The following ROBO2 variants were observed in gnomAD, a reference collection of about 807,000 sequenced individuals.
ROBO2 encodes the protein roundabout homolog 2.
ROBO2 carries 53 observed loss-of-function variants against 160.8 expected under a neutral mutation model. The ratio of observed to expected loss-of-function variants is 0.33; its 90% CI spans 0.26 to 0.41. ROBO2 has a LOEUF of 0.41. Ranked by LOEUF, ROBO2 falls within the 10% of genes least tolerant of loss-of-function variation. The pLI, the probability that ROBO2 is intolerant of heterozygous loss-of-function variation, is 1.00. For synonymous variants in ROBO2, 664 were observed against 611.7 expected (o/e 1.09, Z -1.26); for missense variants, 1,577 against 1,722.4 (o/e 0.92, Z 1.49).
intron 4 of ROBO2, among the ~76,000 whole-genome samples, chr3:77,483,137 A>G (rs967272714): frequency 6.6e-6 from 1 of 152,172 alleles, no homozygotes; most frequent in African/African-American, 2.4e-5. Flanking sequence ...GATTTAGGAA[A>G]CGGAGAATGT....
intron 2 of ROBO2, among the ~76,000 whole-genome samples, chr3:76,325,053 A>C (rs906590706): frequency 6.6e-6 from 1 of 152,200 alleles, no homozygotes; most frequent in Non-Finnish European, 1.5e-5. Flanking sequence ...TGCAGTGAGC[A>C]GAGATCGCAC....
intron 2 of ROBO2, among the ~76,000 whole-genome samples, chr3:76,703,920 A>G (rs568369481): frequency 6.6e-6 from 1 of 152,200 alleles, no homozygotes. Flanking sequence ...CTGACTAGAA[A>G]TGTTGAGAAT....
chr3:77,550,808 G>C lies in ROBO2; in HGVS notation c.1060-10G>C. The C allele has an allele frequency of 6.2e-7, 1 of 1,612,448 alleles. No homozygotes were observed. Among genetic ancestry groups the C allele is most frequent in the Non-Finnish European group, 8.5e-7 (1 of 1,179,068 alleles). On this transcript the variant is annotated splice_polypyrimidine_tract_variant and intron_variant, in intron 7 of 25. Coordinates refer to ENST00000461745, the Ensembl canonical transcript of ROBO2. Reference sequence around the variant, plus strand: ...AATGAATATTGATGAGATTGTGCTTGCTTCCACAGAACCTACTTTTCCCAA... The same window carrying C: ...AATGAATATTGATGAGATTGTGCTTCCTTCCACAGAACCTACTTTTCCCAA...
In ROBO2 at chr3:76,192,075, A is replaced by G. The variant is rs375633931; in HGVS notation, c.109+254473A>G. Among the ~76,000 whole-genome samples the G allele has an allele frequency of 3.3e-5, 5 of 151,936 alleles. No homozygotes were observed. In the East Asian group the frequency reaches 5.8e-4, roughly 18 times the overall value. ...CTTCGATTGGCTTACAAATCCCGCTATTTCCCTAGTTAGTGCCCTTAGTTA... is the reference window on the plus strand; with the variant it reads ...CTTCGATTGGCTTACAAATCCCGCTGTTTCCCTAGTTAGTGCCCTTAGTTA... On this transcript the variant is annotated intron_variant, in intron 2 of 26. Transcript: ENST00000487694.
Position 76,947,759 on chromosome 3 carries a change from T to G in ROBO2, c.110-150255T>G, listed in dbSNP as rs149205969. Among the ~76,000 whole-genome samples the G allele has an allele frequency of 1.7e-3, 257 of 152,252 alleles. 2 individuals carry two copies. The highest frequency in any genetic ancestry group is 5.1e-3 in the African/African-American group (213 of 41,540). On this transcript the variant is annotated intron_variant, in intron 2 of 26. Coordinates refer to the ROBO2 transcript ENST00000487694. ...TCAAATTCCTGCAATCGATGACATG[T>G]GACTGGTTTTTTTGTTCTGTCGCCA... is the stretch of plus-strand genomic sequence containing the variant.
At chr3:76,799,005 G>A in intron 2 of ROBO2, among the ~76,000 whole-genome samples, 1 of 152,024 alleles carries the variant, frequency 6.6e-6, no homozygotes, top group East Asian at 1.9e-4. Flanking sequence ...ACAAGGTCAG[G>A]AGATGGAGAC....
chr3:77,386,603 A>ATTT (rs71104679), intron 2 of ROBO2, among the ~76,000 whole-genome samples: 1,476 of 91,892 alleles, frequency 0.016, 126 homozygotes, highest in African/African-American at 0.05. Flanking sequence ...CAGCCAGGTA[A>ATTT]TTTTTTTTTT....
intron 2 of ROBO2, among the ~76,000 whole-genome samples, chr3:76,836,188 A>G (rs1192927001): frequency 6.6e-6 from 1 of 151,992 alleles, no homozygotes; most frequent in Non-Finnish European, 1.5e-5. Flanking sequence ...TGAACTATAG[A>G]GCTGTGCTTT....
intron 21 of ROBO2, among the ~76,000 whole-genome samples, chr3:77,610,826 A>T (rs2094621460): frequency 6.7e-6 from 1 of 150,208 alleles, no homozygotes; most frequent in South Asian, 2.1e-4. Context: ...TAGTCCCATT[A>T]GTCTTCCTTT....
At chr3:76,394,844 C>G (rs1178853385) in intron 2 of ROBO2, among the ~76,000 whole-genome samples, 3 of 152,100 alleles carry the variant, frequency 2.0e-5, no homozygotes, top group Non-Finnish European at 4.4e-5. Flanking sequence ...TAGAGACCTA[C>G]AAAGAGACTT....
chr3:76,055,011 A>G (rs1297896457), intron 2 of ROBO2, among the ~76,000 whole-genome samples: 1 of 152,200 alleles, frequency 6.6e-6, no homozygotes, highest in African/African-American at 2.4e-5. Flanking sequence ...TGGGTCATTT[A>G]TCAAGGAAAG....
chr3:76,971,021 A>G (rs1240127470), intron 2 of ROBO2, among the ~76,000 whole-genome samples: 1 of 152,176 alleles, frequency 6.6e-6, no homozygotes, highest in East Asian at 1.9e-4. Context: ...TCAAGTTCAT[A>G]TCTGTCTGAT....
chr3:76,512,771 A>T (rs2107773042), intron 2 of ROBO2, among the ~76,000 whole-genome samples: 1 of 152,306 alleles, frequency 6.6e-6, no homozygotes, highest in South Asian at 2.1e-4. Context: ...TTTCATGTTT[A>T]GACTTGGGTT....
chr3:75,917,846 T>C (rs538999164), intron 1 of ROBO2, among the ~76,000 whole-genome samples: 1 of 150,720 alleles, frequency 6.6e-6, no homozygotes, highest in African/African-American at 2.5e-5. Flanking sequence ...TTTTGAGAAG[T>C]GTCTGTTCAT....
intron 2 of ROBO2, among the ~76,000 whole-genome samples, chr3:76,603,351 A>AAATATATATATAT (rs1553826368): frequency 3.8e-5 from 1 of 26,406 alleles, no homozygotes; most frequent in Non-Finnish European, 5.8e-5. Flanking sequence ...AAAAAAAAAA[A>AAATATATATATAT]ATATATATAT....
At chr3:76,635,135 G>A (rs1367442234) in intron 2 of ROBO2, among the ~76,000 whole-genome samples, 1 of 152,062 alleles carries the variant, frequency 6.6e-6, no homozygotes. Flanking sequence ...TGTTGTTATT[G>A]GAGTTCTTAC....
chr3:76,240,603 A>T (rs890035626), intron 2 of ROBO2, among the ~76,000 whole-genome samples: 10 of 152,202 alleles, frequency 6.6e-5, no homozygotes, highest in Non-Finnish European at 1.3e-4. Flanking sequence ...TGAAAAATAG[A>T]AAAAAGATGC....
At chr3:76,018,857 T>C (rs1421113497) in intron 2 of ROBO2, among the ~76,000 whole-genome samples, 1 of 151,992 alleles carries the variant, frequency 6.6e-6, no homozygotes, top group Non-Finnish European at 1.5e-5. Flanking sequence ...ATACTGTGTA[T>C]TCCTTGGAAT....
At chr3:77,351,483 C>T in intron 2 of ROBO2, among the ~76,000 whole-genome samples, 1 of 152,166 alleles carries the variant, frequency 6.6e-6, no homozygotes, top group African/African-American at 2.4e-5. Context: ...GAAAGGGTAG[C>T]TCCAAGCCCA....
Sources: gnomAD v4.1 joint callset for allele counts (sites outside exome capture counted in the v4.1 genomes callset) on GRCh38, gnomAD v4.1.1 for gene constraint, MANE v1.5 for transcripts, NCBI Gene and HGNC (gene_info 2026-07-23, HGNC 2026-07-21) for gene names.